Variants in HCFC1 observed in about 807,000 individuals in gnomAD.
HCFC1 encodes the protein host cell factor C1, also known as host cell factor 1.
A neutral mutation model predicts 105.5 loss-of-function variants in HCFC1; 7 were observed. That is an observed-to-expected ratio of 0.07 (90% CI 0.04 to 0.12). The LOEUF is 0.12. Among genes scored for constraint, HCFC1 ranks in the 10% least tolerant of loss-of-function variants. The pLI is 1.00. For missense variants in HCFC1, 1,065 were observed against 1,823.6 expected (o/e 0.58, Z 7.58); for synonymous variants, 918 against 828.1 (o/e 1.11, Z -1.86).
At chrX:153,960,185 G>A in intron 7 of HCFC1, 24 bp from the exon 8 acceptor site, 1 of 1,200,022 alleles carries the variant, frequency 8.3e-7, no homozygotes, top group Non-Finnish European at 1.1e-6. Flanking sequence ...CAGTTGGTGA[G>A]AAGGGGCGGG....
At position 153,952,964 on chromosome X, in the gene HCFC1, G is replaced by A. The variant is rs781878683; in HGVS notation, c.4498-6C>T. 14 of 1,162,415 alleles carry A rather than the reference G, an allele frequency of 1.2e-5. No individual in the cohort carries two copies. In the African/African-American group the frequency reaches 2.1e-4, roughly 18 times the overall value. ...ACCTGGAGTTCCTCTGGGGGCTGCA[G>A]GATGTCAACAGCAGAGAAGGGCATG... On this transcript the variant is annotated splice_polypyrimidine_tract_variant and splice_region_variant and intron_variant, in intron 18 of 25. Transcript: ENST00000310441.
Position 153,954,882 on chromosome X carries a change from C to T in HCFC1, c.3517G>A (p.Ala1173Thr), listed in dbSNP as rs782545202. The T allele has an allele frequency of 5.6e-5, 65 of 1,157,617 alleles. No homozygotes were observed. Among genetic ancestry groups the T allele is most frequent in the Non-Finnish European group, 7.1e-5 (62 of 873,556 alleles). ...KSQCQTRQTS[A>T]TSTTMTVMAT... is the part of the protein sequence containing the mutation. Reference sequence around the variant, plus strand: ...ATCACAGTCATGGTGGTGCTGGTCGCGCTGGTCTGGCGGGTTTGGCACTGG... The same window carrying T: ...ATCACAGTCATGGTGGTGCTGGTCGTGCTGGTCTGGCGGGTTTGGCACTGG... The change falls in exon 17 of 26, where the codon GCG becomes ACG. Residue 1173 changes from alanine to threonine, a missense_variant. Ala to Thr is a moderately conservative substitution (Grantham distance 58). This residue lies in a region of HCFC1 where 546 missense variants were observed against 599.9 expected (regional missense o/e 0.91). Coordinates refer to ENST00000310441, the MANE Select transcript of HCFC1 (RefSeq NM_005334.3).
At chrX:153,957,980 T>C in intron 11 of HCFC1, 45 bp downstream of exon 11, 1 of 1,172,936 alleles carries the variant, frequency 8.5e-7, no homozygotes. Context: ...AGGGCGGCCA[T>C]TCACCACTGG....
Position 153,958,016 on chromosome X carries a change from A to G in HCFC1, c.2028+9T>C. 8.3e-7 allele frequency: 1 copy of G among 1,201,528 alleles called. No individual in the cohort carries two copies. The highest frequency in any genetic ancestry group is 1.1e-6 in the Non-Finnish European group (1 of 886,270). ...CAGTGGCCGTAGCCTGGCAGCACCC[A>G]TCACTCACCAGAGCACTGCCTCCTG... On this transcript the variant is annotated intron_variant, in intron 11 of 25. Transcript: ENST00000310441.
At position 153,955,425 on chromosome X, in the gene HCFC1, C is replaced by T. The variant is rs200997332; in HGVS notation, c.2974G>A (p.Ala992Thr). 5.2e-4 allele frequency: 632 copies of T among 1,209,390 alleles called. 1 individual carries two copies. Among genetic ancestry groups the T allele is most frequent in the Non-Finnish European group, 3.1e-4 (281 of 894,599 alleles). ...LASPTTEQPT[A>T]TVTIADSGQG... ...CCTGAGTCGGCGATGGTAACTGTGG[C>T]GGTGGGCTGTTCTGTAGTCGGGGAG... Residue 992 changes from alanine to threonine, a missense_variant, in exon 17 of 26, where the codon GCC becomes ACC. Coordinates refer to ENST00000310441, the MANE Select transcript of HCFC1 (RefSeq NM_005334.3).
chrX:153,964,745 C>T lies in HCFC1; in HGVS notation c.194-19G>A. 8.7e-7 allele frequency: 1 copy of T among 1,143,213 alleles called. No homozygotes were observed. The highest frequency in any genetic ancestry group is 1.2e-6 in the Non-Finnish European group (1 of 859,177). The allele number at this position is 1,143,213 out of a possible 1,213,427, so 94.2% of individuals were successfully genotyped here. A position where few individuals can be genotyped will look rare whatever the true frequency, so the allele number is the denominator to read the frequency against. ...TTGGTTGCTGGGGAACAGAAGGAGG[C>T]AGAAGTCAGAACACCCGGGAGCCCC... On this transcript the variant is annotated intron_variant, in intron 1 of 25. Coordinates refer to ENST00000310441, the MANE Select transcript of HCFC1 (RefSeq NM_005334.3).
Position 153,970,739 on chromosome X carries a change from G to A in HCFC1, c.102C>T (p.His34=). The part of the protein sequence containing the change: ...GWSGPVPRPR[H]GHRAVAIKEL... ...CCTTGATGGCCACGGCGCGGTGGCC[G>A]TGGCGGGGCCGTGGCACCGGACCCG... is the stretch of plus-strand genomic sequence containing the variant. Residue 34 remains histidine, a synonymous_variant, in exon 1 of 26, where the codon CAC becomes CAT. Transcript: ENST00000310441. 1.7e-6 allele frequency: 2 copies of A among 1,207,045 alleles called. No individual in the cohort carries two copies. The highest frequency in any genetic ancestry group is 2.2e-6 in the Non-Finnish European group (2 of 892,580).
rs782109749 is a variant in HCFC1 at position 153,966,937 on chromosome X, C to T, written c.194-2211G>A. Among the ~76,000 whole-genome samples, 6 of 111,994 alleles carry T rather than the reference C, an allele frequency of 5.4e-5. 1 individual carries two copies. The South Asian group carries it at 1.8e-3, about 34-fold the overall frequency. ...AGCCGGTGGGCCAGGCCAGAAGCGCCCTGTGATATCTTTGGGGATCCCGCT... is the reference window on the plus strand; with the variant it reads ...AGCCGGTGGGCCAGGCCAGAAGCGCTCTGTGATATCTTTGGGGATCCCGCT... On this transcript the variant is annotated intron_variant, in intron 1 of 25. Coordinates refer to ENST00000310441, the MANE Select transcript of HCFC1 (RefSeq NM_005334.3).
chrX:153,949,697 A>T (rs1019429667), intron 24 of HCFC1, 81 bp from the exon 25 acceptor site: 24 of 910,193 alleles, frequency 2.6e-5, no homozygotes, highest in African/African-American at 1.9e-5. Context: ...CCGCCTGCAG[A>T]GTCTCTTGGT....
At chrX:153,967,940 A>G (rs1182737690) in intron 1 of HCFC1, among the ~76,000 whole-genome samples, 2 of 111,398 alleles carry the variant, frequency 1.8e-5, no homozygotes, top group Admixed American at 9.5e-5. Flanking sequence ...ATGGGCCCCA[A>G]AGACAGGTGG....
At position 153,954,246 on chromosome X, in the gene HCFC1, T is replaced by C. The variant is rs781783048; in HGVS notation, c.4153A>G (p.Arg1385Gly). ...ALLPDATSSH[R>G]TVESGLEVAA... is the part of the protein sequence containing the mutation. ...ACCTCTAGGCCAGACTCCACGGTCC[T>C]GTGGGAAGAAGTGGCGTCGGGAAGC... The change falls in exon 17 of 26, where the codon AGG becomes GGG. Residue 1385 changes from arginine (R) to glycine (G), a missense_variant. Transcript: ENST00000310441. The C allele has an allele frequency of 1.1e-5, 13 of 1,206,593 alleles. No individual in the cohort carries two copies. The highest frequency in any genetic ancestry group is 1.5e-5 in the Non-Finnish European group (13 of 892,275).
At chrX:153,969,003 A>AC (rs1329450451) in intron 1 of HCFC1, among the ~76,000 whole-genome samples, 1 of 112,270 alleles carries the variant, frequency 8.9e-6, no homozygotes, top group African/African-American at 3.2e-5. Flanking sequence ...CCTGGAGGCA[A>AC]CAGGTGCTGA....
chrX:153,948,984 A>T lies in HCFC1; in HGVS notation c.*363T>A. On this transcript the variant is annotated 3_prime_UTR_variant, in exon 26 of 26. Transcript: ENST00000310441. The stretch of plus-strand genomic sequence containing the variant: ...AAGAGGGACGCCTTTCCTCCCCTCC[A>T]TGCCTGCCCCCGACCTGGCCCTCAG... 1 of 134,612 alleles carries T rather than the reference A, an allele frequency of 7.4e-6. No individual in the cohort carries two copies. Among genetic ancestry groups the T allele is most frequent in the Admixed American group, 8.9e-5 (1 of 11,238 alleles). 11.1% of individuals were successfully genotyped at this position (134,612 alleles called of 1,213,427 possible).
rs1557112283 is a variant in HCFC1 at position 153,950,975 on chromosome X, G to T, written c.5541C>A (p.Asp1847Glu). ...GCTCCTGCTTCTTCAGCTGGTTATAGTCAGGGACGGTGCCCAAATCATCCT... is the reference window on the plus strand; with the variant it reads ...GCTCCTGCTTCTTCAGCTGGTTATATTCAGGGACGGTGCCCAAATCATCCT... ...PSDDDLGTVP[D>E]YNQLKKQELQ... Residue 1847 changes from aspartate (D) to glutamate (E), a missense_variant, in exon 23 of 26, where the codon GAC (aspartate) becomes GAA (glutamate). By Grantham distance (45) the Asp-to-Glu change is conservative. Transcript: ENST00000310441. 1 of 1,210,635 alleles carries T rather than the reference G, an allele frequency of 8.3e-7. No individual in the cohort carries two copies. The highest frequency in any genetic ancestry group is 2.2e-5 in the Admixed American group (1 of 46,091).
Position 153,952,117 on chromosome X carries a change from C to T in HCFC1, c.4984G>A (p.Val1662Met), listed in dbSNP as rs782467999. ...PMDTSEAAAT[V>M]TQAELGHLSA... is the part of the protein sequence containing the mutation. ...AGGTGCCCCAGCTCCGCCTGAGTCA[C>T]GGTTGCTGCTGCCTCGGAGGTGTCC... is the stretch of plus-strand genomic sequence containing the variant. Residue 1662 changes from valine (V) to methionine (M), a missense_variant, in exon 20 of 26, where the codon GTG (valine) becomes ATG (methionine). This residue lies in a region of HCFC1 where 115 missense variants were observed against 143.7 expected (regional missense o/e 0.80). Transcript: ENST00000310441. The T allele has an allele frequency of 1.5e-5, 17 of 1,141,371 alleles. No individual in the cohort carries two copies. The highest frequency in any genetic ancestry group is 2.9e-4 in the Middle Eastern group (1 of 3,462). 94.1% of individuals were successfully genotyped at this position (1,141,371 alleles called of 1,213,427 possible). A position where few individuals can be genotyped will look rare whatever the true frequency, so the allele number is the denominator to read the frequency against.
In HCFC1 at chrX:153,955,328, C is replaced by T; in HGVS notation, c.3071G>A (p.Gly1024Asp). The T allele has an allele frequency of 8.3e-7, 1 of 1,211,582 alleles. No homozygotes were observed. Among genetic ancestry groups the T allele is most frequent in the Non-Finnish European group, 1.1e-6 (1 of 895,225 alleles). The change falls in exon 17 of 26, where the codon GGC becomes GAC. Residue 1024 changes from glycine to aspartate, a missense_variant. This residue lies in a region of HCFC1 where 546 missense variants were observed against 599.9 expected (regional missense o/e 0.91). Transcript: ENST00000310441. ...AGTAGTGGTGGCCGTGTTGGTGGTG[C>T]CAGTCTCGTGGGTCTCACAGGGTGG... ...SNPPCETHETGTTNTATTTVV... is the reference protein window; with the variant it reads ...SNPPCETHETDTTNTATTTVV...
Position 153,970,785 on chromosome X carries a change from CAGCGGGGCTG to C in HCFC1, c.46_55del (p.Gln16GlyfsTer37). 1 of 1,196,566 alleles carries C rather than the reference CAGCGGGGCTG, an allele frequency of 8.4e-7. No individual in the cohort carries two copies. Among genetic ancestry groups the C allele is most frequent in the Non-Finnish European group, 1.1e-6 (1 of 889,552 alleles). ...ACCCGACCAGCCCACCACTCGCTTC[CAGCGGGGCTG>C]CAGAAGCACCGCTGGCAAGTTGGCG... On this transcript the variant is annotated frameshift_variant, in exon 1 of 26. Coordinates refer to ENST00000310441, the MANE Select transcript of HCFC1 (RefSeq NM_005334.3). LOFTEE classifies it high-confidence loss of function.
Position 153,963,313 on chromosome X carries a change from G to A in HCFC1, c.624C>T (p.Tyr208=), listed in dbSNP as rs1242952055. The A allele has an allele frequency of 8.3e-7, 1 of 1,210,266 alleles. No individual in the cohort carries two copies. Among genetic ancestry groups the A allele is most frequent in the Admixed American group, 2.2e-5 (1 of 46,085 alleles). ...PPRESHTAVV[Y]TEKDNKKSKL... ...TGGACTTCTTATTGTCTTTTTCGGT[G>A]TAGACCACGGCAGTATGTGACTCCC... The change falls in exon 4 of 26, where the codon TAC becomes TAT. Residue 208 remains tyrosine (Y), a synonymous_variant. Transcript: ENST00000310441.
chrX:153,949,332 C>T lies in HCFC1; in HGVS notation c.*15G>A. ...GGGGGTCTGGAGAAGAATCCAGGGG[C>T]TAGTCAGCTTCCTCTCACTGACCAT... On this transcript the variant is annotated 3_prime_UTR_variant, in exon 26 of 26. Coordinates refer to ENST00000310441, the MANE Select transcript of HCFC1 (RefSeq NM_005334.3). The T allele has an allele frequency of 7.5e-6, 9 of 1,197,689 alleles. No homozygotes were observed. The highest frequency in any genetic ancestry group is 1.0e-5 in the Non-Finnish European group (9 of 884,385).
Sources: allele counts gnomAD v4.1 joint callset (sites outside exome capture counted in the v4.1 genomes callset), GRCh38; gene constraint gnomAD v4.1.1; regional missense constraint gnomAD v4.1.1; transcripts MANE v1.5; gene names NCBI Gene and HGNC (gene_info 2026-07-23, HGNC 2026-07-21).